The following ALMS1 variants were observed in gnomAD, a reference collection of about 807,000 sequenced individuals.
ALMS1 encodes ALMS1 centrosome and basal body associated protein.
In ALMS1, 271 loss-of-function variants were observed where a neutral mutation model predicts 352.2. The ratio of observed to expected loss-of-function variants is 0.77; its 90% CI spans 0.70 to 0.85. ALMS1 has a LOEUF of 0.85. ALMS1 is among the 40% of genes least tolerant of loss of function. ALMS1 has a pLI of 0.00. For missense variants in ALMS1, 5,445 were observed against 4,870.7 expected, an observed-to-expected ratio of 1.12 and a Z score of -3.51; for synonymous variants, 1,865 against 1,761.2, an observed-to-expected ratio of 1.06 and a Z score of -1.48.
intron 18 of ALMS1, 24 bp from the exon 19 acceptor site, chr2:73,601,171 C>G (rs781603387): frequency 6.2e-7 from 1 of 1,613,834 alleles, no homozygotes; most frequent in Admixed American, 1.7e-5. Context: ...AATCTGTGTT[C>G]CTTCTAAAAA....
Position 73,523,777 on chromosome 2 carries a change from C to CA in ALMS1, c.9781+3774dup, listed in dbSNP as rs879472220. ...GTGAGACTCCTTCCCCCTTCCCCAC[C>CA]AAAAAAAAAAAAAGATTATTGTTTC... On this transcript the variant is annotated intron_variant, in intron 11 of 22. Coordinates refer to ENST00000613296, the MANE Select transcript of ALMS1 (RefSeq NM_001378454.1). Among the ~76,000 whole-genome samples the CA allele has an allele frequency of 1.4e-3, 195 of 137,328 alleles. 1 individual carries two copies. The highest frequency in any genetic ancestry group is 3.8e-3 in the Middle Eastern group (1 of 264). 90.1% of individuals were successfully genotyped at this position (137,328 alleles called of 152,430 possible). A position where few individuals can be genotyped will look rare whatever the true frequency, so the allele number is the denominator to read the frequency against.
At chr2:73,578,162 G>T (rs752095623) in intron 16 of ALMS1, among the ~76,000 whole-genome samples, 1 of 152,098 alleles carries the variant, frequency 6.6e-6, no homozygotes, top group Non-Finnish European at 1.5e-5. Context: ...AATTTTTAAT[G>T]TAAAGTCTGT....
chr2:73,466,420 TG>T (rs1333955805), intron 9 of ALMS1, among the ~76,000 whole-genome samples: 1 of 137,244 alleles, frequency 7.3e-6, no homozygotes, highest in Non-Finnish European at 1.5e-5. Flanking sequence ...CACTCATAGG[TG>T]GGAATTGAAC....
At chr2:73,556,645 G>GTTT (rs1411860021) in intron 13 of ALMS1, among the ~76,000 whole-genome samples, 16 of 136,660 alleles carry the variant, frequency 1.2e-4, no homozygotes, top group African/African-American at 4.1e-4. Context: ...TTTTTTTTTT[G>GTTT]TTTTTTTTTT....
In ALMS1 at chr2:73,490,492, A is replaced by T. The variant is rs1057524748; in HGVS notation, c.8533A>T (p.Ile2845Phe). 1.2e-6 allele frequency: 2 copies of T among 1,614,074 alleles called. No homozygotes were observed. Among genetic ancestry groups the T allele is most frequent in the African/African-American group, 1.3e-5 (1 of 74,932 alleles). The change falls in exon 10 of 23, where the codon ATT becomes TTT. Residue 2845 changes from isoleucine to phenylalanine, a missense_variant. Ile to Phe is a conservative substitution (Grantham distance 21). Transcript: ENST00000613296. ...TCAGATTTCTGATAACCATACCCTT[A>T]TTAGCATGGGCAGACCAAGTTCCAC... Reference protein sequence around the residue: ...EIQISDNHTLISMGRPSSTLG... With the variant: ...EIQISDNHTLFSMGRPSSTLG...
intron 9 of ALMS1, among the ~76,000 whole-genome samples, chr2:73,478,064 A>G (rs1672618217): frequency 6.6e-6 from 1 of 152,196 alleles, no homozygotes; most frequent in South Asian, 2.1e-4. Context: ...GAAAGCATCT[A>G]GCTTTTCATT....
intron 9 of ALMS1, among the ~76,000 whole-genome samples, chr2:73,480,085 T>C (rs904388469): frequency 6.6e-6 from 1 of 151,858 alleles, no homozygotes; most frequent in African/African-American, 2.4e-5. Flanking sequence ...TATTTATTTT[T>C]ATTATTATAC....
chr2:73,475,924 T>C (rs1175137781), intron 9 of ALMS1, among the ~76,000 whole-genome samples: 1 of 150,860 alleles, frequency 6.6e-6, no homozygotes, highest in African/African-American at 2.5e-5. Context: ...ATTTATCATC[T>C]TAACCATTGT....
intron 9 of ALMS1, among the ~76,000 whole-genome samples, chr2:73,474,133 T>A (rs1227075995): frequency 6.6e-6 from 1 of 151,248 alleles, no homozygotes; most frequent in Admixed American, 6.6e-5. Context: ...GAAGTCAGCT[T>A]TAACAGATTT....
chr2:73,577,766 A>G (rs1029567570), intron 16 of ALMS1, among the ~76,000 whole-genome samples: 1 of 152,166 alleles, frequency 6.6e-6, no homozygotes, highest in Non-Finnish European at 1.5e-5. Context: ...ATCAGAGAAT[A>G]TATTTTGTAT....
chr2:73,547,074 A>G (rs1674337693), intron 12 of ALMS1, among the ~76,000 whole-genome samples: 2 of 152,332 alleles, frequency 1.3e-5, no homozygotes, highest in Admixed American at 1.3e-4. Context: ...AGTATTTAAT[A>G]AACTATATGA....
chr2:73,386,253 G>C (rs1670527939), intron 1 of ALMS1, 61 bp downstream of exon 1: 13 of 1,421,668 alleles, frequency 9.1e-6, no homozygotes, highest in Non-Finnish European at 1.1e-5. Context: ...GCTGGGCCCC[G>C]AGCGCTCCGC....
intron 16 of ALMS1, among the ~76,000 whole-genome samples, chr2:73,574,038 A>G (rs1392861004): frequency 2.6e-5 from 4 of 152,218 alleles, no homozygotes; most frequent in Non-Finnish European, 4.4e-5. Flanking sequence ...ATTTGGCTTT[A>G]TGTTTTCTAG....
At position 73,573,255 on chromosome 2, in the gene ALMS1, C is replaced by G. The variant is rs968772816; in HGVS notation, c.11378C>G (p.Ala3793Gly). The change falls in exon 16 of 23, where the codon GCT becomes GGT. Residue 3793 changes from alanine (A) to glycine (G), a missense_variant. Coordinates refer to ENST00000613296, the MANE Select transcript of ALMS1 (RefSeq NM_001378454.1). Reference protein sequence around the residue: ...STIDTARLIQAFGHERVCLSP... With the variant: ...STIDTARLIQGFGHERVCLSP... Reference sequence around the variant, plus strand: ...ATTGACACTGCCCGGCTGATTCAAGCTTTTGGCCATGAAAGAGTATGCTTG... The same window carrying G: ...ATTGACACTGCCCGGCTGATTCAAGGTTTTGGCCATGAAAGAGTATGCTTG... 9.3e-6 allele frequency: 15 copies of G among 1,613,846 alleles called. No individual in the cohort carries two copies. The South Asian group carries it at 1.6e-4, about 18-fold the overall frequency.
chr2:73,386,098 A>G lies in ALMS1; in HGVS notation c.230A>G (p.Lys77Arg). 1 of 1,594,418 alleles carries G rather than the reference A, an allele frequency of 6.3e-7. No individual in the cohort carries two copies. Among genetic ancestry groups the G allele is most frequent in the Non-Finnish European group, 8.5e-7 (1 of 1,171,128 alleles). The change falls in exon 1 of 23, where the codon AAG (lysine) becomes AGG (arginine). Residue 77 changes from lysine (K) to arginine (R), a missense_variant. Transcript: ENST00000613296. ...SIDDEEDEEAKAWLQAHPGRI... is the reference protein window; with the variant it reads ...SIDDEEDEEARAWLQAHPGRI... Reference sequence around the variant, plus strand: ...GACGACGAGGAGGACGAGGAGGCCAAGGCCTGGCTGCAGGCGCACCCCGGC... The same window carrying G: ...GACGACGAGGAGGACGAGGAGGCCAGGGCCTGGCTGCAGGCGCACCCCGGC...
At chr2:73,392,515 G>A (rs561885588) in intron 1 of ALMS1, among the ~76,000 whole-genome samples, 3 of 152,050 alleles carry the variant, frequency 2.0e-5, no homozygotes, top group South Asian at 2.1e-4. Context: ...GATATCCCCC[G>A]TCTTCCATTC....
intron 10 of ALMS1, among the ~76,000 whole-genome samples, chr2:73,502,803 G>T (rs959905280): frequency 2.6e-5 from 4 of 152,114 alleles, no homozygotes; most frequent in Non-Finnish European, 5.9e-5. Context: ...TTATGTTTGT[G>T]TGTTTTCTGT....
At position 73,449,713 on chromosome 2, in the gene ALMS1, G is replaced by C; in HGVS notation, c.3186G>C (p.Gln1062His). 6.2e-7 allele frequency: 1 copy of C among 1,614,080 alleles called. No individual in the cohort carries two copies. Among genetic ancestry groups the C allele is most frequent in the Non-Finnish European group, 8.5e-7 (1 of 1,179,966 alleles). ...QREKPSVLYPQVLSDSHLPEE... is the reference protein window; with the variant it reads ...QREKPSVLYPHVLSDSHLPEE... ...AGAAGCCTAGTGTTTTGTACCCACA[G>C]GTGTTATCAGACAGTCATCTACCTG... is the stretch of plus-strand genomic sequence containing the variant. Residue 1062 changes from glutamine (Q) to histidine (H), a missense_variant, in exon 8 of 23, where the codon CAG becomes CAC. Physicochemically the swap from Gln to His is conservative, Grantham distance 24. Transcript: ENST00000613296.
rs184012864 is a variant in ALMS1, at chr2:73,437,404, T to C, written c.1432+5113T>C. Among the ~76,000 whole-genome samples, 7 of 152,302 alleles carry C rather than the reference T, an allele frequency of 4.6e-5. No homozygotes were observed. The East Asian group carries it at 1.3e-3, about 29-fold the overall frequency. On this transcript the variant is annotated intron_variant, in intron 7 of 22. Coordinates refer to ENST00000613296, the MANE Select transcript of ALMS1 (RefSeq NM_001378454.1). The stretch of plus-strand genomic sequence containing the variant: ...CAAGTGAGCTGGGGGTAGGGATGAT[T>C]AGAGCTTGGTATTCTCAGGTTGGGA...
Sources: gnomAD v4.1 joint callset for allele counts (sites outside exome capture counted in the v4.1 genomes callset) on GRCh38, gnomAD v4.1.1 for gene constraint, MANE v1.5 for transcripts, NCBI Gene and HGNC (gene_info 2026-07-23, HGNC 2026-07-21) for gene names.